Variants in SLC5A4 observed in about 807,000 individuals in gnomAD.
SLC5A4 encodes solute carrier family 5 member 4, also known as probable glucose sensor protein SLC5A4.
Under a neutral mutation model 70.3 loss-of-function variants are expected in SLC5A4, and 55 were observed. That is an observed-to-expected ratio of 0.78 (90% CI 0.63 to 0.98). The LOEUF (loss-of-function observed/expected upper bound fraction) is 0.98, where lower values mean the gene tolerates loss of function less well. Among genes scored for constraint, SLC5A4 ranks in the 50% least tolerant of loss-of-function variants. The probability of loss-of-function intolerance (pLI) is 0.00; values close to 1 mark genes in which losing one functional copy is unlikely to be tolerated. For missense variants in SLC5A4, 735 were observed against 839.2 expected (o/e 0.88, Z 1.53); for synonymous variants, 268 against 305.7 (o/e 0.88, Z 1.29).
the SLC5A4 span, among the ~76,000 whole-genome samples, chr22:32,326,220 G>C: frequency 6.6e-6 from 1 of 151,836 alleles, no homozygotes; most frequent in South Asian, 2.1e-4. Flanking sequence ...GCTTCTGATA[G>C]TTGGCGCTGA....
the SLC5A4 span, among the ~76,000 whole-genome samples, chr22:32,266,513 A>G: frequency 6.6e-6 from 1 of 152,272 alleles, no homozygotes; most frequent in East Asian, 1.9e-4. Context: ...AAATACAGAG[A>G]GTAATATTAA....
At chr22:32,318,321 A>G in the SLC5A4 span, among the ~76,000 whole-genome samples, 1 of 151,880 alleles carries the variant, frequency 6.6e-6, no homozygotes, top group Non-Finnish European at 1.5e-5. Flanking sequence ...ACTCTCATCT[A>G]AACTCCATTC....
the SLC5A4 span, among the ~76,000 whole-genome samples, chr22:32,309,712 C>T: frequency 6.6e-6 from 1 of 152,088 alleles, no homozygotes; most frequent in East Asian, 1.9e-4. Flanking sequence ...CACTTCTCAC[C>T]CCTCGGCTCC....
At chr22:32,348,551 AAAAG>A in the SLC5A4 span, among the ~76,000 whole-genome samples, 17 of 152,250 alleles carry the variant, frequency 1.1e-4, no homozygotes, top group African/African-American at 3.6e-4. Flanking sequence ...TGGATTTCTC[AAAAG>A]AAAGAACTCA....
At chr22:32,330,217 G>C in the SLC5A4 span, among the ~76,000 whole-genome samples, 1 of 91,542 alleles carries the variant, frequency 1.1e-5, no homozygotes, top group African/African-American at 4.2e-5. Flanking sequence ...TGTGTATTGC[G>C]GGCTCTGGTG....
At chr22:32,333,201 C>CCA in the SLC5A4 span, among the ~76,000 whole-genome samples, 2 of 147,294 alleles carry the variant, frequency 1.4e-5, no homozygotes, top group Admixed American at 6.8e-5. Flanking sequence ...CTGGCACCCC[C>CCA]CCCCCAGAAG....
the SLC5A4 span, among the ~76,000 whole-genome samples, chr22:32,348,498 G>A: frequency 6.6e-6 from 1 of 152,178 alleles, no homozygotes; most frequent in African/African-American, 2.4e-5. Context: ...GGGTGGTGGT[G>A]TTACCAGAAA....
chr22:32,229,375 T>C (rs769578771), intron 10 of SLC5A4, 31 bp from the exon 11 acceptor site: 1 of 1,608,858 alleles, frequency 6.2e-7, no homozygotes, highest in East Asian at 2.2e-5. Context: ...AAGCACTGGT[T>C]AGTGGCTGGA....
chr22:32,334,452 A>G, the SLC5A4 span, among the ~76,000 whole-genome samples: 1 of 151,904 alleles, frequency 6.6e-6, no homozygotes, highest in Non-Finnish European at 1.5e-5. Flanking sequence ...CTACCTCCAA[A>G]ATACTGCCTT....
chr22:32,229,247 G>A lies in SLC5A4; in HGVS notation c.1227C>T (p.Leu409=). Residue 409 remains leucine, a synonymous_variant, in exon 11 of 15, where the codon CTC becomes CTT. Transcript: ENST00000266086. ...ACGCTTGCTTCCGCATCTTGGTGTA[G>A]AGGTCAATGGTGAAGAGGGTGCTGG... ...NSASTLFTID[L]YTKMRKQASE... 1 of 1,614,162 alleles carries A rather than the reference G, an allele frequency of 6.2e-7. No homozygotes were observed. The highest frequency in any genetic ancestry group is 1.1e-5 in the South Asian group (1 of 91,070).
Position 32,220,910 on chromosome 22 carries a change from C to T in SLC5A4, c.1768+10G>A. On this transcript the variant is annotated intron_variant, in intron 14 of 14. Coordinates refer to ENST00000266086, the MANE Select transcript of SLC5A4 (RefSeq NM_014227.3). Reference sequence around the variant, plus strand: ...TCCTACATGAAAACCAAATGTAAACCAAATATTACCTTCTTCAACACCATC... The same window carrying T: ...TCCTACATGAAAACCAAATGTAAACTAAATATTACCTTCTTCAACACCATC... 1.3e-6 allele frequency: 2 copies of T among 1,579,034 alleles called. No individual in the cohort carries two copies. Among genetic ancestry groups the T allele is most frequent in the South Asian group, 1.1e-5 (1 of 90,366 alleles).
At chr22:32,351,360 A>C in the SLC5A4 span, among the ~76,000 whole-genome samples, 7 of 152,100 alleles carry the variant, frequency 4.6e-5, no homozygotes, top group Non-Finnish European at 8.8e-5. Context: ...TAATTATCCA[A>C]CTGATTTTTT....
chr22:32,236,798 G>A (rs1029436710), intron 7 of SLC5A4, among the ~76,000 whole-genome samples: 5 of 150,780 alleles, frequency 3.3e-5, no homozygotes, highest in Admixed American at 2.0e-4. Flanking sequence ...TCCGATTTCC[G>A]GGTTCACACC....
At chr22:32,348,222 C>G in the SLC5A4 span, among the ~76,000 whole-genome samples, 1 of 152,218 alleles carries the variant, frequency 6.6e-6, no homozygotes, top group Non-Finnish European at 1.5e-5. Context: ...GTGCCAGACA[C>G]GCAGTAGAAA....
the SLC5A4 span, among the ~76,000 whole-genome samples, chr22:32,309,149 GCTA>G: frequency 6.6e-6 from 1 of 152,150 alleles, no homozygotes; most frequent in Non-Finnish European, 1.5e-5. Flanking sequence ...ATGTTCAGAG[GCTA>G]ACATGAGGGC....
At position 32,250,416 on chromosome 22, in the gene SLC5A4, G is replaced by A. The variant is rs140774105; in HGVS notation, c.312+1354C>T. 8.2e-3 allele frequency among the ~76,000 whole-genome samples: 1,255 copies of A among 152,298 alleles called. 18 individuals are homozygous for A. The highest frequency in any genetic ancestry group is 0.029 in the African/African-American group (1,205 of 41,554). On this transcript the variant is annotated intron_variant, in intron 3 of 14. Coordinates refer to ENST00000266086, the MANE Select transcript of SLC5A4 (RefSeq NM_014227.3). Reference sequence around the variant, plus strand: ...CACCTGTGGTCCCAGCTACATGGGAGGCTGTGGTGGGAGGATTGCTTGAGC... The same window carrying A: ...CACCTGTGGTCCCAGCTACATGGGAAGCTGTGGTGGGAGGATTGCTTGAGC...
At chr22:32,319,699 C>T in the SLC5A4 span, among the ~76,000 whole-genome samples, 5 of 152,206 alleles carry the variant, frequency 3.3e-5, no homozygotes, top group Non-Finnish European at 7.3e-5. Flanking sequence ...AAGGCTGAAT[C>T]CCTGATCTCC....
At chr22:32,232,766 G>T in intron 9 of SLC5A4, 133 bp downstream of exon 9, 1 of 1,130,522 alleles carries the variant, frequency 8.8e-7, no homozygotes, top group Non-Finnish European at 1.3e-6. Context: ...CACTGTGCAG[G>T]CTGCTCCCTC....
the SLC5A4 span, among the ~76,000 whole-genome samples, chr22:32,316,410 G>C: frequency 6.6e-6 from 1 of 152,140 alleles, no homozygotes; most frequent in African/African-American, 2.4e-5. Flanking sequence ...TGAAGGATGA[G>C]AGTCACCATG....
Sources: allele counts gnomAD v4.1 joint callset (sites outside exome capture counted in the v4.1 genomes callset), GRCh38; gene constraint gnomAD v4.1.1; transcripts MANE v1.5; gene names NCBI Gene and HGNC (gene_info 2026-07-23, HGNC 2026-07-21).